Variants in OXR1 observed in about 807,000 individuals in gnomAD.
The protein encoded by OXR1 is oxidation resistance 1.
A neutral mutation model predicts 104.6 loss-of-function variants in OXR1; 41 were observed. The ratio of observed to expected loss-of-function variants is 0.39; its 90% CI spans 0.31 to 0.51. The LOEUF (loss-of-function observed/expected upper bound fraction) is 0.51. Among genes scored for constraint, OXR1 ranks in the 20% least tolerant of loss-of-function variants. The probability of loss-of-function intolerance (pLI) is 0.77; values close to 1 mark genes in which losing one functional copy is unlikely to be tolerated. For missense variants in OXR1, 955 were observed against 1,031.9 expected (o/e 0.93, Z 1.02); for synonymous variants, 348 against 348.4 (o/e 1.00, Z 0.01).
At chr8:106,571,125 A>G (rs1262298667) in intron 3 of OXR1, among the ~76,000 whole-genome samples, 2 of 151,896 alleles carry the variant, frequency 1.3e-5, no homozygotes, top group Non-Finnish European at 2.9e-5. Flanking sequence ...AAAAAGGCAG[A>G]TATCCACCAA....
chr8:106,619,548 G>A (rs1197971867), intron 3 of OXR1, among the ~76,000 whole-genome samples: 3 of 151,918 alleles, frequency 2.0e-5, no homozygotes, highest in Admixed American at 1.3e-4. Context: ...AAGTCATTGG[G>A]GAGGTTGATA....
At chr8:106,314,932 T>G (rs1813864162) in intron 1 of OXR1, among the ~76,000 whole-genome samples, 2 of 152,214 alleles carry the variant, frequency 1.3e-5, no homozygotes, top group Admixed American at 6.5e-5. Context: ...TTAACAGTAG[T>G]GCTTAGTGAG....
intron 1 of OXR1, among the ~76,000 whole-genome samples, chr8:106,350,601 A>C (rs1815682778): frequency 6.6e-6 from 1 of 152,192 alleles, no homozygotes; most frequent in Non-Finnish European, 1.5e-5. Flanking sequence ...AAACTGCATT[A>C]GTTTGTCTCC....
At chr8:106,524,045 G>A (rs1183956006) in intron 3 of OXR1, among the ~76,000 whole-genome samples, 3 of 151,988 alleles carry the variant, frequency 2.0e-5, no homozygotes, top group Admixed American at 2.0e-4. Flanking sequence ...CAAAGTGCTG[G>A]GATTACAGGC....
intron 7 of OXR1, among the ~76,000 whole-genome samples, chr8:106,701,047 C>G (rs1437691331): frequency 1.3e-5 from 2 of 151,942 alleles, no homozygotes; most frequent in Admixed American, 1.3e-4. Context: ...TGTAAATGTT[C>G]TCTACAATGT....
In OXR1 at chr8:106,480,832, T is replaced by C. The variant is rs962278071; in HGVS notation, c.24-38111T>C. On this transcript the variant is annotated intron_variant, in intron 2 of 16. Transcript: ENST00000517566. ...AAAAGTTTGTGTGGATCAAATTATTTAATGTACATGAAAAAACTCTTTAGA... is the reference window on the plus strand; with the variant it reads ...AAAAGTTTGTGTGGATCAAATTATTCAATGTACATGAAAAAACTCTTTAGA... Among the ~76,000 whole-genome samples the C allele has an allele frequency of 4.6e-5, 7 of 152,036 alleles. No homozygotes were observed. In the South Asian group the frequency reaches 1.5e-3, roughly 32 times the overall value.
rs541117239 is a variant in OXR1 at position 106,680,335 on chromosome 8, C to T, written c.303+1043C>T. On this transcript the variant is annotated intron_variant, in intron 4 of 16. Coordinates refer to ENST00000517566, the MANE Select transcript of OXR1 (RefSeq NM_001198533.2). Reference sequence around the variant, plus strand: ...TTATAGGTAACCTTTAAAATTTCTTCGTCTTTACAATTCTGCAGTGCCAAT... The same window carrying T: ...TTATAGGTAACCTTTAAAATTTCTTTGTCTTTACAATTCTGCAGTGCCAAT... Among the ~76,000 whole-genome samples, 11 of 152,060 alleles carry T rather than the reference C, an allele frequency of 7.2e-5. No homozygotes were observed. In the South Asian group the frequency reaches 1.7e-3, roughly 23 times the overall value.
At chr8:106,323,291 C>A (rs1452860656) in intron 1 of OXR1, among the ~76,000 whole-genome samples, 3 of 152,134 alleles carry the variant, frequency 2.0e-5, no homozygotes, top group Non-Finnish European at 4.4e-5. Flanking sequence ...GGCAAAAAGA[C>A]TTCCTATTCA....
chr8:106,697,219 G>C (rs766727572), intron 7 of OXR1, among the ~76,000 whole-genome samples: 3 of 152,182 alleles, frequency 2.0e-5, no homozygotes, highest in Non-Finnish European at 4.4e-5. Context: ...CAGTTTTGAT[G>C]GGTATGGGGA....
intron 2 of OXR1, among the ~76,000 whole-genome samples, chr8:106,392,675 G>T (rs994575732): frequency 6.6e-6 from 1 of 152,096 alleles, no homozygotes; most frequent in Non-Finnish European, 1.5e-5. Context: ...TAACCAAGAA[G>T]CTTCAGAATG....
intron 2 of OXR1, among the ~76,000 whole-genome samples, chr8:106,394,651 A>G (rs189878470): frequency 1.3e-5 from 2 of 152,204 alleles, no homozygotes; most frequent in East Asian, 3.9e-4. Flanking sequence ...TCTTAAATAT[A>G]TTTTGTCAAC....
chr8:106,414,444 G>A (rs1310416034), intron 2 of OXR1, among the ~76,000 whole-genome samples: 2 of 152,120 alleles, frequency 1.3e-5, no homozygotes, highest in African/African-American at 4.8e-5. Context: ...ATTATATATG[G>A]GATCTCATTT....
At chr8:106,279,972 A>C (rs1285489878) in intron 1 of OXR1, among the ~76,000 whole-genome samples, 1 of 152,190 alleles carries the variant, frequency 6.6e-6, no homozygotes, top group Admixed American at 6.5e-5. Flanking sequence ...ACTGTCCTCA[A>C]GACTCAGCAT....
At chr8:106,658,432 C>G (rs554182776) in intron 3 of OXR1, among the ~76,000 whole-genome samples, 1 of 152,202 alleles carries the variant, frequency 6.6e-6, no homozygotes, top group African/African-American at 2.4e-5. Flanking sequence ...CTTTCCTCAC[C>G]TAGACTTGAT....
At chr8:106,568,843 G>A (rs1256137987) in intron 3 of OXR1, among the ~76,000 whole-genome samples, 5 of 151,978 alleles carry the variant, frequency 3.3e-5, no homozygotes, top group Admixed American at 1.3e-4. Context: ...TAAACACACC[G>A]TCCAGGGAGA....
At chr8:106,486,628 A>C (rs759308887) in intron 2 of OXR1, among the ~76,000 whole-genome samples, 23 of 152,074 alleles carry the variant, frequency 1.5e-4, no homozygotes, top group Non-Finnish European at 2.8e-4. Context: ...TTTATATGTT[A>C]AGTTGCCTGA....
intron 3 of OXR1, among the ~76,000 whole-genome samples, chr8:106,672,626 C>T (rs566619605): frequency 3.3e-5 from 5 of 152,148 alleles, no homozygotes; most frequent in South Asian, 2.1e-4. Flanking sequence ...AGAAACATAA[C>T]GTCATATGGT....
intron 3 of OXR1, among the ~76,000 whole-genome samples, chr8:106,663,635 A>T (rs1156941018): frequency 6.6e-6 from 1 of 152,192 alleles, no homozygotes; most frequent in East Asian, 1.9e-4. Flanking sequence ...CAGGATGCAC[A>T]GCGGGAGGTA....
chr8:106,609,073 A>C (rs181086936), intron 3 of OXR1, among the ~76,000 whole-genome samples: 1 of 152,224 alleles, frequency 6.6e-6, no homozygotes, highest in African/African-American at 2.4e-5. Flanking sequence ...AAGAGAGAAA[A>C]ACATAACATA....
Sources: allele counts gnomAD v4.1 joint callset (sites outside exome capture counted in the v4.1 genomes callset), GRCh38; gene constraint gnomAD v4.1.1; transcripts MANE v1.5; gene names NCBI Gene and HGNC (gene_info 2026-07-23, HGNC 2026-07-21).